The following TPST1 variants were observed in gnomAD, a reference collection of about 807,000 sequenced individuals.
TPST1 encodes the protein tyrosylprotein sulfotransferase 1.
A neutral mutation model predicts 34.8 loss-of-function variants in TPST1; 20 were observed. That is an observed-to-expected ratio of 0.57 (90% CI 0.40 to 0.84). The LOEUF is 0.84. TPST1 is among the 40% of genes least tolerant of loss of function. The pLI, the probability that TPST1 is intolerant of heterozygous loss-of-function variation, is 0.00. For missense variants in TPST1, 353 were observed against 455.5 expected, an observed-to-expected ratio of 0.78 and a Z score of 2.05; for synonymous variants, 152 against 159.4, an observed-to-expected ratio of 0.95 and a Z score of 0.35.
intron 3 of TPST1, among the ~76,000 whole-genome samples, chr7:66,348,812 A>T (rs1306188380): frequency 6.6e-6 from 1 of 152,196 alleles, no homozygotes; most frequent in Non-Finnish European, 1.5e-5. Context: ...TGTTCCCTGG[A>T]GGATACTAAA....
intron 1 of TPST1, among the ~76,000 whole-genome samples, chr7:66,234,392 A>G (rs1789862632): frequency 1.7e-5 from 1 of 60,334 alleles, no homozygotes; most frequent in South Asian, 4.4e-4. Context: ...GAAAAATAAA[A>G]GCATGGCTAC....
intron 5 of TPST1, 30 bp from the exon 6 acceptor site, chr7:66,359,865 C>T (rs1178975673): frequency 2.2e-5 from 10 of 456,560 alleles, no homozygotes; most frequent in Non-Finnish European, 4.4e-5. Context: ...GACTCCACAC[C>T]TGTAACCACA....
chr7:66,243,610 ATTTT>A (rs10627680), intron 2 of TPST1, among the ~76,000 whole-genome samples: 3 of 123,376 alleles, frequency 2.4e-5, no homozygotes, highest in Admixed American at 1.7e-4. Flanking sequence ...TGCCCAGCTA[ATTTT>A]TTTTTTTTTT....
intron 3 of TPST1, among the ~76,000 whole-genome samples, chr7:66,305,199 T>C (rs1791397717): frequency 6.6e-6 from 1 of 152,200 alleles, no homozygotes; most frequent in Admixed American, 6.5e-5. Flanking sequence ...ATTCAGTATA[T>C]ATTCATATCA....
chr7:66,308,806 C>G (rs1241351620), intron 3 of TPST1, among the ~76,000 whole-genome samples: 1 of 152,172 alleles, frequency 6.6e-6, no homozygotes, highest in African/African-American at 2.4e-5. Context: ...GGAGTGAGTT[C>G]TCTAGACATT....
chr7:66,352,433 G>T, intron 3 of TPST1, 72 bp from the exon 4 acceptor site: 8 of 1,571,322 alleles, frequency 5.1e-6, no homozygotes, highest in Non-Finnish European at 6.0e-6. Context: ...CCACGGTCAG[G>T]CATGGCACAT....
rs749288846 is a variant in TPST1 at position 66,337,299 on chromosome 7, ATTT to A, written c.1045-15182_1045-15180del. Among the ~76,000 whole-genome samples, 311 of 107,718 alleles carry A rather than the reference ATTT, an allele frequency of 2.9e-3. 2 individuals are homozygous for A. Among genetic ancestry groups the A allele is most frequent in the African/African-American group, 0.01 (297 of 28,424 alleles). 70.7% of individuals were successfully genotyped at this position (107,718 alleles called of 152,430 possible). A position where few individuals can be genotyped will look rare whatever the true frequency, so the allele number is the denominator to read the frequency against. On this transcript the variant is annotated intron_variant, in intron 3 of 5. Transcript: ENST00000304842. The stretch of plus-strand genomic sequence containing the variant: ...TTTAAGTATGAAGACTAAAAGACAA[ATTT>A]TTTTTTTTTTTTTTTTTTTTTTTAA...
intron 1 of TPST1, among the ~76,000 whole-genome samples, chr7:66,206,654 C>G (rs2116188435): frequency 6.6e-6 from 1 of 152,324 alleles, no homozygotes; most frequent in Non-Finnish European, 1.5e-5. Flanking sequence ...CTCCCCATCC[C>G]CTCTCCATCC....
chr7:66,275,118 C>T (rs543996178), intron 2 of TPST1, among the ~76,000 whole-genome samples: 3 of 152,090 alleles, frequency 2.0e-5, no homozygotes, highest in Non-Finnish European at 2.9e-5. Flanking sequence ...GGCGTGAACC[C>T]GGGAGGCAGA....
At chr7:66,208,374 A>T (rs1350389533) in intron 1 of TPST1, among the ~76,000 whole-genome samples, 4 of 152,128 alleles carry the variant, frequency 2.6e-5, no homozygotes, top group Admixed American at 1.3e-4. Context: ...ACTTTTTCTG[A>T]CTACCCCTCC....
intron 3 of TPST1, among the ~76,000 whole-genome samples, chr7:66,292,917 G>A (rs1791115079): frequency 6.6e-6 from 1 of 152,136 alleles, no homozygotes; most frequent in African/African-American, 2.4e-5. Context: ...GAAAAATTTG[G>A]GCCTAGTGGC....
intron 1 of TPST1, among the ~76,000 whole-genome samples, chr7:66,228,412 C>G (rs1789708865): frequency 6.6e-6 from 1 of 152,102 alleles, no homozygotes. Context: ...CAGAAGTTGG[C>G]AAGTTAAGTG....
chr7:66,328,836 CTTTCT>C (rs1791925046), intron 3 of TPST1, among the ~76,000 whole-genome samples: 1 of 141,740 alleles, frequency 7.1e-6, no homozygotes, highest in Non-Finnish European at 1.5e-5. Context: ...CTCTCTCTCT[CTTTCT>C]CACTCTCTCT....
intron 1 of TPST1, among the ~76,000 whole-genome samples, chr7:66,228,897 T>TA (rs967974369): frequency 2.6e-5 from 4 of 151,894 alleles, no homozygotes; most frequent in Non-Finnish European, 4.4e-5. Context: ...CTCTTGTGAT[T>TA]AAAAAAAAAT....
chr7:66,320,245 C>CTTTTTTTTTTTTTTTTTTTTT (rs569746911), intron 3 of TPST1, among the ~76,000 whole-genome samples: 10 of 126,388 alleles, frequency 7.9e-5, no homozygotes, highest in Non-Finnish European at 1.2e-4. Context: ...TTTTCTTTTT[C>CTTTTTTTTTTTTTTTTTTTTT]TTTTTTTTTT....
intron 3 of TPST1, among the ~76,000 whole-genome samples, chr7:66,318,591 C>T (rs574888066): frequency 2.6e-5 from 4 of 152,214 alleles, no homozygotes; most frequent in Non-Finnish European, 4.4e-5. Context: ...CTCAGCCTCC[C>T]GAGTAGCTCC....
intron 3 of TPST1, among the ~76,000 whole-genome samples, chr7:66,311,535 C>T (rs1791531798): frequency 6.6e-6 from 1 of 152,154 alleles, no homozygotes; most frequent in African/African-American, 2.4e-5. Context: ...TACCATCTCT[C>T]AGAATACCTC....
intron 3 of TPST1, among the ~76,000 whole-genome samples, chr7:66,310,462 A>T (rs1336357579): frequency 3.3e-5 from 5 of 152,092 alleles, no homozygotes; most frequent in African/African-American, 1.2e-4. Flanking sequence ...TGTTTGACAT[A>T]CTTGTACTCA....
At chr7:66,255,145 CAAAAA>C (rs35033344) in intron 2 of TPST1, among the ~76,000 whole-genome samples, 2 of 78,468 alleles carry the variant, frequency 2.5e-5, no homozygotes, top group African/African-American at 4.6e-5. Context: ...GACAACGTCT[CAAAAA>C]AAAAAAAAAA....
Sources: allele counts gnomAD v4.1 joint callset (sites outside exome capture counted in the v4.1 genomes callset), GRCh38; gene constraint gnomAD v4.1.1; transcripts MANE v1.5; gene names NCBI Gene and HGNC (gene_info 2026-07-23, HGNC 2026-07-21).